Variants in BLTP3A observed in about 807,000 individuals in gnomAD.
BLTP3A encodes the protein bridge-like lipid transfer protein family member 3A.
At chr6:34,858,631 C>T in the BLTP3A span, 1 of 1,614,182 alleles carries the variant, frequency 6.2e-7, no homozygotes, top group Non-Finnish European at 8.5e-7. Context: ...TTTTGGAAGT[C>T]CTGTCCAGTC....
chr6:34,820,205 C>G, the BLTP3A span, among the ~76,000 whole-genome samples: 2 of 151,958 alleles, frequency 1.3e-5, no homozygotes, highest in South Asian at 4.1e-4. Flanking sequence ...GATAATAGGT[C>G]TCTGTTCCCC....
At chr6:34,841,800 TA>T in the BLTP3A span, among the ~76,000 whole-genome samples, 1 of 152,008 alleles carries the variant, frequency 6.6e-6, no homozygotes, top group Non-Finnish European at 1.5e-5. Flanking sequence ...CCCCAGAAAA[TA>T]AAAAAAGAAA....
the BLTP3A span, chr6:34,855,514 T>C: frequency 7.4e-7 from 1 of 1,354,658 alleles, no homozygotes; most frequent in African/African-American, 1.4e-5. Context: ...TGTTATCAGC[T>C]GGGCTTTGAA....
At chr6:34,821,498 T>G in the BLTP3A span, 3 of 709,136 alleles carry the variant, frequency 4.2e-6, no homozygotes. Context: ...CAGTTACAGT[T>G]TTCTGTGTTC....
the BLTP3A span, among the ~76,000 whole-genome samples, chr6:34,864,601 T>C: frequency 6.6e-6 from 1 of 151,808 alleles, no homozygotes; most frequent in Non-Finnish European, 1.5e-5. Flanking sequence ...GAGAAACTTT[T>C]AGGAATTACC....
the BLTP3A span, chr6:34,872,215 A>C: frequency 4.3e-6 from 6 of 1,410,508 alleles, no homozygotes; most frequent in Non-Finnish European, 4.8e-6. Flanking sequence ...TAACTTGTGG[A>C]TTTTTCTCCT....
At chr6:34,837,741 A>G in the BLTP3A span, among the ~76,000 whole-genome samples, 1 of 149,892 alleles carries the variant, frequency 6.7e-6, no homozygotes, top group Non-Finnish European at 1.5e-5. Flanking sequence ...AAGGAAAGAA[A>G]GGAGCAATGA....
chr6:34,841,730 A>G, the BLTP3A span, among the ~76,000 whole-genome samples: 1 of 152,306 alleles, frequency 6.6e-6, no homozygotes, highest in East Asian at 1.9e-4. Flanking sequence ...CACTGTCTTG[A>G]GGTGGGACAG....
chr6:34,826,712 A>G, the BLTP3A span, among the ~76,000 whole-genome samples: 5 of 152,058 alleles, frequency 3.3e-5, no homozygotes, highest in African/African-American at 1.2e-4. Flanking sequence ...ATACCTTTAC[A>G]GTCATTATTC....
At chr6:34,831,919 A>T in the BLTP3A span, among the ~76,000 whole-genome samples, 1 of 151,948 alleles carries the variant, frequency 6.6e-6, no homozygotes, top group Admixed American at 6.6e-5. Context: ...GGTTCAAGCA[A>T]TTCTCCTGCC....
At chr6:34,802,185 A>C in the BLTP3A span, among the ~76,000 whole-genome samples, 1 of 151,994 alleles carries the variant, frequency 6.6e-6, no homozygotes, top group African/African-American at 2.4e-5. Context: ...ATATGCCTGC[A>C]TTTTTATTAT....
chr6:34,863,187 G>A, the BLTP3A span, among the ~76,000 whole-genome samples: 5 of 152,190 alleles, frequency 3.3e-5, no homozygotes, highest in African/African-American at 7.2e-5. Context: ...GAATATAGGC[G>A]TGAGTCACTG....
At chr6:34,831,131 T>A in the BLTP3A span, among the ~76,000 whole-genome samples, 183 of 150,594 alleles carry the variant, frequency 1.2e-3, no homozygotes, top group Middle Eastern at 0.014. Context: ...ACTCTTAATT[T>A]TTTTTTTTTT....
chr6:34,857,903 G>T, the BLTP3A span: 1 of 1,613,286 alleles, frequency 6.2e-7, no homozygotes, highest in Non-Finnish European at 8.5e-7. Context: ...CCGACTAGAT[G>T]CATTCTGGTT....
the BLTP3A span, among the ~76,000 whole-genome samples, chr6:34,868,313 T>A: frequency 2.2e-4 from 33 of 149,926 alleles, no homozygotes; most frequent in Admixed American, 6.0e-4. Flanking sequence ...TCTCAAAAAA[T>A]ATATATATAT....
chr6:34,834,932 C>T, the BLTP3A span: 5 of 1,555,672 alleles, frequency 3.2e-6, no homozygotes, highest in South Asian at 6.1e-5. Flanking sequence ...TTTGGTATTC[C>T]CTTATTGTTT....
At chr6:34,858,884 A>T in the BLTP3A span, 1 of 1,614,112 alleles carries the variant, frequency 6.2e-7, no homozygotes, top group South Asian at 1.1e-5. Flanking sequence ...CGCCTGAAGG[A>T]GGTGCTGCAG....
chr6:34,801,187 A>G, the BLTP3A span, among the ~76,000 whole-genome samples: 1,279 of 152,330 alleles, frequency 8.4e-3, 19 homozygotes, highest in African/African-American at 0.027. Context: ...TGTGGAGGAC[A>G]TTGATGGCAA....
the BLTP3A span, among the ~76,000 whole-genome samples, chr6:34,803,130 G>T: frequency 6.6e-6 from 1 of 151,892 alleles, no homozygotes; most frequent in Admixed American, 6.6e-5. Flanking sequence ...GTTGCAGTGA[G>T]CTGTGATCGC....
Sources: allele counts gnomAD v4.1 joint callset (sites outside exome capture counted in the v4.1 genomes callset), GRCh38; gene constraint gnomAD v4.1.1; transcripts MANE v1.5; gene names NCBI Gene and HGNC (gene_info 2026-07-23, HGNC 2026-07-21).